Variants in XKR5 observed in about 807,000 individuals in gnomAD.
The protein encoded by XKR5 is XK related 5, also known as XK-related protein 5.
A neutral mutation model predicts 40.8 loss-of-function variants in XKR5; 46 were observed. The observed-to-expected ratio is 1.13, with a 90% CI of 0.89 to 1.44. The LOEUF (loss-of-function observed/expected upper bound fraction) is 1.44. XKR5 is among the 40% of genes most tolerant of loss of function. The probability of loss-of-function intolerance (pLI) is 0.00; values close to 1 mark genes in which losing one functional copy is unlikely to be tolerated. For synonymous variants in XKR5, 466 were observed against 356.1 expected (o/e 1.31, Z -3.48); for missense variants, 1,169 against 844.7 (o/e 1.38, Z -4.76).
chr8:6,822,116 C>A (rs1048025989), intron 4 of XKR5, 78 bp from the exon 5 acceptor site: 2 of 1,421,400 alleles, frequency 1.4e-6, no homozygotes, highest in Non-Finnish European at 1.9e-6. Flanking sequence ...AGACCAGGGG[C>A]TGGAAGGCTC....
chr8:6,813,081 T>G (rs1339838726), intron 6 of XKR5, among the ~76,000 whole-genome samples: 1 of 152,196 alleles, frequency 6.6e-6, no homozygotes, highest in Non-Finnish European at 1.5e-5. Flanking sequence ...AAACCTGAAG[T>G]AATGCCTGAG....
At chr8:6,834,874 C>A (rs1383748305) in intron 1 of XKR5, among the ~76,000 whole-genome samples, 2 of 152,150 alleles carry the variant, frequency 1.3e-5, no homozygotes, top group Non-Finnish European at 2.9e-5. Context: ...CCGCGTCCCG[C>A]CCCGTCCTAA....
intron 5 of XKR5, among the ~76,000 whole-genome samples, chr8:6,817,963 T>G (rs1230379466): frequency 1.3e-5 from 2 of 152,208 alleles, no homozygotes; most frequent in African/African-American, 2.4e-5. Flanking sequence ...TCCTGCTTTT[T>G]GTAAATTTCC....
chr8:6,829,629 C>A (rs180851356), intron 2 of XKR5, among the ~76,000 whole-genome samples: 3 of 152,194 alleles, frequency 2.0e-5, no homozygotes, highest in Non-Finnish European at 4.4e-5. Flanking sequence ...GATTCTCATG[C>A]TTCAGTCTCC....
In XKR5 at chr8:6,815,592, G is replaced by C. The variant is rs149963053; in HGVS notation, c.919+215C>G. Among the ~76,000 whole-genome samples, 272 of 152,208 alleles carry C rather than the reference G, an allele frequency of 1.8e-3. 1 individual carries two copies. The highest frequency in any genetic ancestry group is 6.4e-3 in the African/African-American group (265 of 41,542). ...GAGAGGGATAGCCCCAGCTTTGCTT[G>C]AGGTTCCGAGCACAGTCAAGCAAGG... On this transcript the variant is annotated intron_variant, in intron 6 of 6. Coordinates refer to ENST00000618742, the MANE Select transcript of XKR5 (RefSeq NM_207411.5).
chr8:6,819,294 C>T (rs746239765), intron 5 of XKR5, among the ~76,000 whole-genome samples: 6 of 152,154 alleles, frequency 3.9e-5, no homozygotes, highest in Non-Finnish European at 5.9e-5. Flanking sequence ...GCGTGGGTCC[C>T]GGCACCCTCC....
At chr8:6,825,132 G>A in intron 3 of XKR5, 33 bp downstream of exon 3, 1 of 1,609,324 alleles carries the variant, frequency 6.2e-7, no homozygotes, top group Non-Finnish European at 8.5e-7. Context: ...TCGGCAGTCA[G>A]ACAGTCTGTG....
In XKR5 at chr8:6,833,042, C is replaced by T. The variant is rs181810104; in HGVS notation, c.59-142G>A. On this transcript the variant is annotated intron_variant, in intron 1 of 6. Coordinates refer to ENST00000618742, the MANE Select transcript of XKR5 (RefSeq NM_207411.5). ...CTTTCTGGCTGGGGAGTGACTGTCC[C>T]TCCCAAGGCTAGCAATTATTTCAGC... is the stretch of plus-strand genomic sequence containing the variant. 1,407 of 757,652 alleles carry T rather than the reference C, an allele frequency of 1.9e-3. 8 individuals are homozygous for T. Among genetic ancestry groups the T allele is most frequent in the Non-Finnish European group, 2.5e-3 (1,256 of 510,264 alleles). The allele number at this position is 757,652 out of a possible 1,614,324, so 46.9% of individuals were successfully genotyped here. A position where few individuals can be genotyped will look rare whatever the true frequency, so the allele number is the denominator to read the frequency against.
rs184232142 is a variant in XKR5, at chr8:6,818,816, A to G, written c.808-2898T>C. ...GCCCCCAGCCCCCAGCCCCTGCCAG[A>G]CCGTTCCAGCAGAAACCTCTGAACC... On this transcript the variant is annotated intron_variant, in intron 5 of 6. Transcript: ENST00000618742. Among the ~76,000 whole-genome samples, 566 of 152,266 alleles carry G rather than the reference A, an allele frequency of 3.7e-3. 1 individual carries two copies. The highest frequency in any genetic ancestry group is 0.013 in the African/African-American group (538 of 41,556).
intron 4 of XKR5, among the ~76,000 whole-genome samples, chr8:6,822,803 C>A (rs1477908294): frequency 6.6e-6 from 1 of 152,184 alleles, no homozygotes; most frequent in African/African-American, 2.4e-5. Flanking sequence ...TGTGCCTAGA[C>A]TGAGGGAGGA....
intron 2 of XKR5, among the ~76,000 whole-genome samples, chr8:6,826,322 G>A (rs1292526290): frequency 6.6e-6 from 1 of 150,728 alleles, no homozygotes; most frequent in Non-Finnish European, 1.5e-5. Flanking sequence ...TGTAGTGTGT[G>A]CAGTGTGAGT....
intron 1 of XKR5, 36 bp downstream of exon 1, chr8:6,835,400 G>T: frequency 2.8e-6 from 4 of 1,426,104 alleles, no homozygotes; most frequent in Non-Finnish European, 3.7e-6. Context: ...GTTAGGGGCT[G>T]CAGGGGTGAG....
intron 2 of XKR5, among the ~76,000 whole-genome samples, chr8:6,827,408 G>T (rs925538430): frequency 2.0e-5 from 3 of 152,206 alleles, no homozygotes; most frequent in African/African-American, 7.2e-5. Context: ...TGACTGGCAG[G>T]TGACAAGCTG....
intron 2 of XKR5, among the ~76,000 whole-genome samples, chr8:6,827,607 A>C (rs1804569973): frequency 6.6e-6 from 1 of 152,202 alleles, no homozygotes; most frequent in African/African-American, 2.4e-5. Flanking sequence ...ACATAAACTT[A>C]ATGTTAAGAA....
intron 2 of XKR5, among the ~76,000 whole-genome samples, chr8:6,828,553 A>T (rs1278647044): frequency 1.3e-5 from 2 of 152,188 alleles, no homozygotes; most frequent in Non-Finnish European, 2.9e-5. Context: ...CCACTAGGGA[A>T]GCCGGGGAGG....
chr8:6,814,534 C>T (rs1308119923), intron 6 of XKR5, among the ~76,000 whole-genome samples: 1 of 152,142 alleles, frequency 6.6e-6, no homozygotes, highest in African/African-American at 2.4e-5. Context: ...GAAGGGTTCT[C>T]CCTGCACCTC....
intron 2 of XKR5, among the ~76,000 whole-genome samples, chr8:6,825,856 A>G (rs898411228): frequency 1.3e-5 from 2 of 152,222 alleles, no homozygotes; most frequent in Non-Finnish European, 2.9e-5. Context: ...TGAAGAGCAG[A>G]CAGGGAAGAA....
intron 5 of XKR5, among the ~76,000 whole-genome samples, chr8:6,820,400 T>G (rs1490058965): frequency 1.3e-5 from 2 of 152,210 alleles, no homozygotes; most frequent in Non-Finnish European, 2.9e-5. Context: ...TCTTTCCTTC[T>G]CTAACAGCCC....
rs768672727 is a variant in XKR5 at position 6,832,915 on chromosome 8, G to C, written c.59-15C>G. ...GGTGTAAAGGCCTGGGTGAGAAGGG[G>C]AAAGGCAAGCAGGTTGTTGGAAGGC... On this transcript the variant is annotated splice_polypyrimidine_tract_variant and intron_variant, in intron 1 of 6. Coordinates refer to ENST00000618742, the MANE Select transcript of XKR5 (RefSeq NM_207411.5). 3.7e-5 allele frequency: 57 copies of C among 1,545,382 alleles called. No individual in the cohort carries two copies. Among genetic ancestry groups the C allele is most frequent in the Admixed American group, 2.4e-4 (11 of 45,060 alleles).
Sources: allele counts gnomAD v4.1 joint callset (sites outside exome capture counted in the v4.1 genomes callset), GRCh38; gene constraint gnomAD v4.1.1; transcripts MANE v1.5; gene names NCBI Gene and HGNC (gene_info 2026-07-23, HGNC 2026-07-21).